The following DPYD variants were observed in gnomAD, a reference collection of about 807,000 sequenced individuals.
The protein encoded by DPYD is dihydropyrimidine dehydrogenase, also known as dihydropyrimidine dehydrogenase [NADP(+)].
A neutral mutation model predicts 116.2 loss-of-function variants in DPYD; 109 were observed. That is an observed-to-expected ratio of 0.94 (90% CI 0.80 to 1.10). The LOEUF (loss-of-function observed/expected upper bound fraction) is 1.10, where lower values mean the gene tolerates loss of function less well. Ranked by LOEUF, DPYD falls within the 50% of genes least tolerant of loss-of-function variation. The pLI, the probability that DPYD is intolerant of heterozygous loss-of-function variation, is 0.00. For missense variants in DPYD, 1,302 were observed against 1,254.5 expected (o/e 1.04, Z -0.57); for synonymous variants, 440 against 432.0 (o/e 1.02, Z -0.23).
intron 20 of DPYD, among the ~76,000 whole-genome samples, chr1:97,158,167 C>A (rs1337610094): frequency 3.3e-5 from 5 of 151,948 alleles, no homozygotes; most frequent in African/African-American, 1.2e-4. Context: ...GTGAGCAGTA[C>A]CAAGTCCAAT....
intron 2 of DPYD, among the ~76,000 whole-genome samples, chr1:97,879,105 T>C (rs61787820): frequency 0.21 from 31,574 of 151,942 alleles, 3,452 homozygotes; most frequent in South Asian, 0.24. Context: ...CATTCAGTTG[T>C]GGAACTGTGA....
intron 21 of DPYD, among the ~76,000 whole-genome samples, chr1:97,094,134 C>T (rs770274583): frequency 7.9e-5 from 12 of 152,038 alleles, no homozygotes; most frequent in Non-Finnish European, 1.6e-4. Context: ...ATTCATTCCT[C>T]AAATTATCAC....
intron 3 of DPYD, among the ~76,000 whole-genome samples, chr1:97,765,807 G>C (rs918519658): frequency 6.6e-6 from 1 of 152,320 alleles, no homozygotes; most frequent in Non-Finnish European, 1.5e-5. Flanking sequence ...ATGTGGCACT[G>C]GCTCTAGGAT....
intron 19 of DPYD, among the ~76,000 whole-genome samples, chr1:97,216,502 G>T (rs1025665519): frequency 2.0e-5 from 3 of 152,112 alleles, no homozygotes; most frequent in African/African-American, 7.2e-5. Flanking sequence ...ATTTTTAAGT[G>T]TGTGAGAGAA....
intron 8 of DPYD, among the ~76,000 whole-genome samples, chr1:97,624,807 T>G (rs1240966434): frequency 2.6e-5 from 4 of 152,064 alleles, no homozygotes; most frequent in Non-Finnish European, 5.9e-5. Context: ...TTATTATTTG[T>G]AACAACATGG....
At chr1:97,338,643 A>T (rs1232697148) in intron 16 of DPYD, among the ~76,000 whole-genome samples, 2 of 152,106 alleles carry the variant, frequency 1.3e-5, no homozygotes, top group Non-Finnish European at 2.9e-5. Context: ...TTTTAGAAGG[A>T]ACTTTGTCCC....
At chr1:97,833,472 C>T (rs1669627289) in intron 2 of DPYD, among the ~76,000 whole-genome samples, 1 of 151,964 alleles carries the variant, frequency 6.6e-6, no homozygotes, top group Non-Finnish European at 1.5e-5. Context: ...AAATGATTTA[C>T]AATTTTCCAG....
At chr1:97,695,101 A>AATAT (rs1283703786) in intron 6 of DPYD, among the ~76,000 whole-genome samples, 2 of 152,176 alleles carry the variant, frequency 1.3e-5, no homozygotes, top group Non-Finnish European at 2.9e-5. Flanking sequence ...GTGATACTAC[A>AATAT]GATTCCAATA....
intron 8 of DPYD, among the ~76,000 whole-genome samples, chr1:97,657,153 G>A (rs141777504): frequency 6.6e-6 from 1 of 151,786 alleles, no homozygotes; most frequent in Admixed American, 6.6e-5. Flanking sequence ...ATTTTTAGTA[G>A]AGATGGGGTT....
chr1:97,277,078 CCATT>C (rs1330290961), intron 18 of DPYD, among the ~76,000 whole-genome samples: 1 of 152,024 alleles, frequency 6.6e-6, no homozygotes, highest in East Asian at 1.9e-4. Flanking sequence ...CATCTGGAGG[CCATT>C]ATCCTAAGTG....
intron 19 of DPYD, among the ~76,000 whole-genome samples, chr1:97,198,425 A>G (rs1658964868): frequency 6.6e-6 from 1 of 152,250 alleles, no homozygotes; most frequent in African/African-American, 2.4e-5. Context: ...TGCTGATTAA[A>G]TACTAATAAG....
intron 20 of DPYD, among the ~76,000 whole-genome samples, chr1:97,158,694 A>C (rs905734771): frequency 1.3e-5 from 2 of 152,018 alleles, no homozygotes; most frequent in African/African-American, 4.8e-5. Context: ...ACTGGCTGAG[A>C]AATCAGAGTT....
At chr1:97,520,062 C>T (rs1201001558) in intron 12 of DPYD, among the ~76,000 whole-genome samples, 1 of 152,096 alleles carries the variant, frequency 6.6e-6, no homozygotes, top group East Asian at 1.9e-4. Context: ...CTTTGCATGG[C>T]ATAGTCTGAT....
At chr1:97,149,549 A>C (rs1204437443) in intron 20 of DPYD, among the ~76,000 whole-genome samples, 1 of 152,214 alleles carries the variant, frequency 6.6e-6, no homozygotes, top group African/African-American at 2.4e-5. Flanking sequence ...CACCGCGTCC[A>C]GCTGATAACT....
chr1:97,433,224 G>A (rs561486942), intron 14 of DPYD, among the ~76,000 whole-genome samples: 4 of 152,218 alleles, frequency 2.6e-5, no homozygotes, highest in South Asian at 4.2e-4. Flanking sequence ...CTTGCCTTAG[G>A]GGGGATATCT....
At chr1:97,314,213 T>C (rs561923268) in intron 16 of DPYD, among the ~76,000 whole-genome samples, 1 of 151,898 alleles carries the variant, frequency 6.6e-6, no homozygotes, top group Non-Finnish European at 1.5e-5. Context: ...GAACCTTTAA[T>C]ATATTGAGGG....
intron 2 of DPYD, among the ~76,000 whole-genome samples, chr1:97,879,183 T>C (rs971723405): frequency 5.9e-5 from 9 of 151,982 alleles, no homozygotes; most frequent in Admixed American, 2.0e-4. Flanking sequence ...ATATAATGTA[T>C]ACCTGACAGG....
At chr1:97,092,271 C>T (rs892856604) in intron 21 of DPYD, among the ~76,000 whole-genome samples, 1 of 152,158 alleles carries the variant, frequency 6.6e-6, no homozygotes, top group Admixed American at 6.6e-5. Context: ...AGTACCGGAA[C>T]ATAGTGGTTG....
chr1:97,204,914 C>T (rs944032121), intron 19 of DPYD, among the ~76,000 whole-genome samples: 2 of 151,848 alleles, frequency 1.3e-5, no homozygotes, highest in East Asian at 1.9e-4. Context: ...TAAGAGGACC[C>T]GACTTGATCC....
Sources: gnomAD v4.1 joint callset for allele counts (sites outside exome capture counted in the v4.1 genomes callset) on GRCh38, gnomAD v4.1.1 for gene constraint, MANE v1.5 for transcripts, NCBI Gene and HGNC (gene_info 2026-07-23, HGNC 2026-07-21) for gene names.